Variants in CSMD2 observed in about 807,000 individuals in gnomAD.
CSMD2 encodes the protein CUB and Sushi multiple domains 2.
In CSMD2, 130 loss-of-function variants were observed where a neutral mutation model predicts 398.5. That is an observed-to-expected ratio of 0.33 (90% CI 0.28 to 0.38). The LOEUF is 0.38. Among genes scored for constraint, CSMD2 ranks in the 10% least tolerant of loss-of-function variants. The pLI, the probability that CSMD2 is intolerant of heterozygous loss-of-function variation, is 1.00. For synonymous variants in CSMD2, 1,828 were observed against 1,908.5 expected (o/e 0.96, Z 1.10); for missense variants, 3,829 against 4,764.9 (o/e 0.80, Z 5.78).
intron 1 of CSMD2, among the ~76,000 whole-genome samples, chr1:34,153,698 G>A (rs565973497): frequency 7.0e-4 from 107 of 152,290 alleles, no homozygotes; most frequent in African/African-American, 2.4e-3. Context: ...GAAACACAGG[G>A]CCTTGAGCCA....
chr1:34,148,093 C>T (rs1639949293), intron 1 of CSMD2, among the ~76,000 whole-genome samples: 1 of 152,160 alleles, frequency 6.6e-6, no homozygotes, highest in Non-Finnish European at 1.5e-5. Flanking sequence ...TTCAAAATCT[C>T]GTTGAGGCCC....
At chr1:33,726,526 C>T in intron 16 of CSMD2, 21 bp downstream of exon 16, 1 of 1,599,840 alleles carries the variant, frequency 6.3e-7, no homozygotes, top group Non-Finnish European at 8.5e-7. Flanking sequence ...CCCTCTCCCC[C>T]AAGGCTGTGG....
At chr1:33,680,578 G>T (rs1344320592) in intron 25 of CSMD2, among the ~76,000 whole-genome samples, 1 of 152,134 alleles carries the variant, frequency 6.6e-6, no homozygotes, top group Admixed American at 6.5e-5. Flanking sequence ...AGCCTCAGAC[G>T]GTAGCACTTC....
intron 1 of CSMD2, among the ~76,000 whole-genome samples, chr1:34,093,877 G>A (rs892193154): frequency 4.6e-5 from 7 of 151,968 alleles, no homozygotes; most frequent in South Asian, 2.1e-4. Context: ...AGCAAGGCAG[G>A]CCAACGTTCA....
intron 1 of CSMD2, among the ~76,000 whole-genome samples, chr1:34,154,638 C>G (rs992319568): frequency 6.6e-6 from 1 of 151,754 alleles, no homozygotes; most frequent in Admixed American, 6.6e-5. Context: ...AAGTAAGAAA[C>G]CAGATGAAAT....
At chr1:33,799,734 A>C (rs958191477) in intron 10 of CSMD2, among the ~76,000 whole-genome samples, 1 of 152,214 alleles carries the variant, frequency 6.6e-6, no homozygotes, top group Admixed American at 6.5e-5. Context: ...CATGAGGATG[A>C]GAGTCATATG....
At chr1:33,742,214 G>C (rs1647091522) in intron 14 of CSMD2, among the ~76,000 whole-genome samples, 1 of 152,222 alleles carries the variant, frequency 6.6e-6, no homozygotes, top group African/African-American at 2.4e-5. Context: ...AATGGAATGG[G>C]CTTTACCTGG....
intron 26 of CSMD2, among the ~76,000 whole-genome samples, chr1:33,659,884 A>G (rs1644075109): frequency 6.6e-6 from 1 of 152,248 alleles, no homozygotes; most frequent in South Asian, 2.1e-4. Context: ...GTTTTACTGG[A>G]ACACAGGCAC....
chr1:33,587,528 T>C (rs1440870335), intron 44 of CSMD2, among the ~76,000 whole-genome samples: 1 of 152,200 alleles, frequency 6.6e-6, no homozygotes. Context: ...ACTCTACTCG[T>C]GAGCAAGTGA....
chr1:33,581,529 C>CA (rs59068586), intron 47 of CSMD2, among the ~76,000 whole-genome samples: 1,391 of 36,806 alleles, frequency 0.038, 111 homozygotes, highest in Admixed American at 0.053. Flanking sequence ...GACTCAGTCT[C>CA]AAAAAAAAAA....
chr1:33,517,750 G>A (rs2148513052), intron 70 of CSMD2, among the ~76,000 whole-genome samples: 1 of 152,312 alleles, frequency 6.6e-6, no homozygotes, highest in East Asian at 1.9e-4. Flanking sequence ...GTATTCAGGA[G>A]CTGCATCTGC....
chr1:33,995,187 A>T lies in CSMD2; in HGVS notation c.517+37407T>A, dbSNP rs557609438. ...AGAAAGAGAAGAAAGGTTCTCCAAGAGTGTAAATTATCCACAAGTGGATCC... is the reference window on the plus strand; with the variant it reads ...AGAAAGAGAAGAAAGGTTCTCCAAGTGTGTAAATTATCCACAAGTGGATCC... On this transcript the variant is annotated intron_variant, in intron 3 of 70. Coordinates refer to ENST00000373381, the MANE Select transcript of CSMD2 (RefSeq NM_001281956.2). Among the ~76,000 whole-genome samples the T allele has an allele frequency of 2.6e-5, 4 of 152,288 alleles. No homozygotes were observed. In the South Asian group the frequency reaches 8.3e-4, roughly 32 times the overall value.
chr1:34,070,765 A>G (rs985677807), intron 2 of CSMD2, among the ~76,000 whole-genome samples: 2 of 151,984 alleles, frequency 1.3e-5, no homozygotes, highest in Non-Finnish European at 2.9e-5. Context: ...AGAACTAGAA[A>G]GCTTCTTTAT....
chr1:33,955,903 GTCC>G (rs1226097146), intron 3 of CSMD2, among the ~76,000 whole-genome samples: 1 of 152,158 alleles, frequency 6.6e-6, no homozygotes, highest in Non-Finnish European at 1.5e-5. Context: ...GGGGGTTGGT[GTCC>G]TCCTATGGTG....
intron 47 of CSMD2, among the ~76,000 whole-genome samples, chr1:33,581,354 T>TTA (rs1553146953): frequency 0.18 from 15,369 of 83,982 alleles, 2,238 homozygotes; most frequent in East Asian, 0.29. Context: ...CCATCTTTAC[T>TTA]AAAAAAAAAA....
At chr1:34,146,583 A>G (rs576288877) in intron 1 of CSMD2, among the ~76,000 whole-genome samples, 2 of 152,278 alleles carry the variant, frequency 1.3e-5, no homozygotes, top group South Asian at 4.1e-4. Context: ...GTTCAGGAGA[A>G]AAGGGGTGAG....
At position 33,836,216 on chromosome 1, in the gene CSMD2, G is replaced by A. The variant is rs941161803; in HGVS notation, c.1034-10442C>T. Among the ~76,000 whole-genome samples the A allele has an allele frequency of 8.1e-4, 123 of 151,912 alleles. 1 individual carries two copies. Among genetic ancestry groups the A allele is most frequent in the Middle Eastern group, 6.3e-3 (2 of 316 alleles). The stretch of plus-strand genomic sequence containing the variant: ...AGCAAATGTTGCTGCCTGATCGTTC[G>A]TCTGGAAGTTTTGTCTCAGAGGAGT... On this transcript the variant is annotated intron_variant, in intron 6 of 70. Transcript: ENST00000373381.
At chr1:34,076,102 C>A (rs1226299835) in intron 2 of CSMD2, among the ~76,000 whole-genome samples, 1 of 152,174 alleles carries the variant, frequency 6.6e-6, no homozygotes, top group Non-Finnish European at 1.5e-5. Flanking sequence ...GCTATGAACT[C>A]CTGGTAGAGA....
chr1:34,082,868 C>T (rs965029149), intron 2 of CSMD2, among the ~76,000 whole-genome samples: 1 of 152,018 alleles, frequency 6.6e-6, no homozygotes, highest in African/African-American at 2.4e-5. Context: ...TGCTTGAAGG[C>T]AGCATGCTCG....
Sources: gnomAD v4.1 joint callset for allele counts (sites outside exome capture counted in the v4.1 genomes callset) on GRCh38, gnomAD v4.1.1 for gene constraint, MANE v1.5 for transcripts, NCBI Gene and HGNC (gene_info 2026-07-23, HGNC 2026-07-21) for gene names.